Variants in ANKLE1 observed in about 807,000 individuals in gnomAD.
ANKLE1 encodes structure-specific endonuclease ANKLE1.
Under a neutral mutation model 56.2 loss-of-function variants are expected in ANKLE1, and 59 were observed. That is an observed-to-expected ratio of 1.05 (90% CI 0.85 to 1.30). ANKLE1 has a LOEUF of 1.30. ANKLE1 is among the 50% of genes most tolerant of loss of function. ANKLE1 has a pLI of 0.00. For missense variants in ANKLE1, 771 were observed against 816.1 expected (o/e 0.94, Z 0.67); for synonymous variants, 341 against 352.9 (o/e 0.97, Z 0.38).
intron 6 of ANKLE1, among the ~76,000 whole-genome samples, chr19:17,284,543 C>T (rs1435025350): frequency 6.6e-6 from 1 of 151,950 alleles, no homozygotes; most frequent in Non-Finnish European, 1.5e-5. Context: ...GCCACCACGC[C>T]CGACTAATTT....
rs11086065 is a variant in ANKLE1, at chr19:17,284,194, A to G, written c.1304A>G (p.Gln435Arg). 1,251,585 of 1,613,508 alleles carry G rather than the reference A, an allele frequency of 0.78. 494,487 individuals carry two copies. The highest frequency in any genetic ancestry group is 0.81 in the Non-Finnish European group (955,551 of 1,179,774). ...DEDALAQQFE[Q>R]PDPARRWREG... The stretch of plus-strand genomic sequence containing the variant: ...GACGCGCTGGCCCAGCAGTTTGAGC[A>G]GCCAGATCCTGCCAGGAGGTGGCGG... The change falls in exon 6 of 9, where the codon CAG becomes CGG. Residue 435 changes from glutamine (Q) to arginine (R), a missense_variant. By Grantham distance (43) the Gln-to-Arg change is conservative. Transcript: ENST00000404085.
chr19:17,285,070 T>A (rs12710308), intron 6 of ANKLE1, among the ~76,000 whole-genome samples: 116,424 of 151,684 alleles, frequency 0.77, 45,694 homozygotes, highest in Non-Finnish European at 0.81. Flanking sequence ...GACCAGCGTG[T>A]TCAACGTGGA....
Position 17,283,840 on chromosome 19 carries a change from C to G in ANKLE1, c.1076C>G (p.Ser359Cys). The change falls in exon 5 of 9, where the codon TCC becomes TGC. Residue 359 changes from serine to cysteine, a missense_variant. Physicochemically the swap from Ser to Cys is moderately radical, Grantham distance 112. Transcript: ENST00000404085. ...PVGPCRHLPVSTVSDLELLKG... is the reference protein window; with the variant it reads ...PVGPCRHLPVCTVSDLELLKG... ...GGCCCTTGCCGGCACCTGCCAGTCT[C>G]CACTGTGTCTGACTTGGAGTTGCTG... 1 of 1,613,764 alleles carries G rather than the reference C, an allele frequency of 6.2e-7. No homozygotes were observed. The highest frequency in any genetic ancestry group is 8.5e-7 in the Non-Finnish European group (1 of 1,179,900).
At position 17,282,690 on chromosome 19, in the gene ANKLE1, G is replaced by A. The variant is rs752834182; in HGVS notation, c.250G>A (p.Ala84Thr). The A allele has an allele frequency of 3.3e-5, 50 of 1,535,460 alleles. No individual in the cohort carries two copies. In the South Asian group the frequency reaches 5.1e-4, roughly 16 times the overall value. The change falls in exon 3 of 9, where the codon GCC becomes ACC. Residue 84 changes from alanine to threonine, a missense_variant. Transcript: ENST00000404085. ...GGCACTGACGCCGCTGCATGTGGCC[G>A]CCGCGTGGGGCTGCCGCCGCGGCCT... ...VEALTPLHVAAAWGCRRGLEL... is the reference protein window; with the variant it reads ...VEALTPLHVATAWGCRRGLEL...
chr19:17,283,989 C>A, intron 5 of ANKLE1, 27 bp downstream of exon 5: 1 of 1,592,986 alleles, frequency 6.3e-7, no homozygotes, highest in South Asian at 1.1e-5. Flanking sequence ...CACATGGAGT[C>A]CAGGGAGCCT....
chr19:17,286,039 G>C (rs1203939289), intron 8 of ANKLE1, among the ~76,000 whole-genome samples: 1 of 152,080 alleles, frequency 6.6e-6, no homozygotes, highest in Non-Finnish European at 1.5e-5. Context: ...GTGTGTGTGA[G>C]ACTCTGTCGC....
At position 17,285,776 on chromosome 19, in the gene ANKLE1, T is replaced by C; in HGVS notation, c.1632T>C (p.Ala544=). The change falls in exon 8 of 9, where the codon GCT becomes GCC. Residue 544 remains alanine (A), a synonymous_variant. Coordinates refer to ENST00000404085, the MANE Select transcript of ANKLE1 (RefSeq NM_152363.6). ...VSLHCFQHVV[A]VEAYTREACI... Reference sequence around the variant, plus strand: ...TACATTGCTTCCAGCACGTGGTCGCTGTGGAGGCTTATACACGGGAGGCGT... The same window carrying C: ...TACATTGCTTCCAGCACGTGGTCGCCGTGGAGGCTTATACACGGGAGGCGT... The C allele has an allele frequency of 6.2e-7, 1 of 1,613,860 alleles. No homozygotes were observed. The highest frequency in any genetic ancestry group is 8.5e-7 in the Non-Finnish European group (1 of 1,179,872).
chr19:17,286,647 G>GT lies in ANKLE1; in HGVS notation c.*95_*96insT, dbSNP rs2074034999. 1.4e-6 allele frequency: 2 copies of GT among 1,429,090 alleles called. No individual in the cohort carries two copies. Among genetic ancestry groups the GT allele is most frequent in the African/African-American group, 1.5e-5 (1 of 66,338 alleles). 88.5% of individuals were successfully genotyped at this position (1,429,090 alleles called of 1,614,324 possible). A position where few individuals can be genotyped will look rare whatever the true frequency, so the allele number is the denominator to read the frequency against. On this transcript the variant is annotated 3_prime_UTR_variant, in exon 9 of 9. Coordinates refer to ENST00000404085, the MANE Select transcript of ANKLE1 (RefSeq NM_152363.6). ...AGCCCCCATCTCTGGTTTCAGAAGG[G>GT]GTGTGTGTGTGTGTGTGTGTGTGTG...
Position 17,286,925 on chromosome 19 carries a change from AC to A in ANKLE1, c.*375del, listed in dbSNP as rs2074041368. The A allele has an allele frequency of 1.7e-6, 1 of 582,580 alleles. No individual in the cohort carries two copies. The highest frequency in any genetic ancestry group is 2.3e-6 in the Non-Finnish European group (1 of 440,256). 36.1% of individuals were successfully genotyped at this position (582,580 alleles called of 1,614,324 possible). A position where few individuals can be genotyped will look rare whatever the true frequency, so the allele number is the denominator to read the frequency against. On this transcript the variant is annotated 3_prime_UTR_variant, in exon 9 of 9. Transcript: ENST00000404085. ...AGGAGCTGGGTAAAATGAGGCTGAA[AC>A]CTACTGGGCTGCATTCCCAGATGGT...
At position 17,286,699 on chromosome 19, in the gene ANKLE1, T is replaced by TAGGGAGCACCCAGGCA; in HGVS notation, c.*147_*148insAGGGAGCACCCAGGCA. On this transcript the variant is annotated 3_prime_UTR_variant, in exon 9 of 9. Transcript: ENST00000404085. ...GTGTGTGTGTGTGTGTGTTTGTGTGTGTGTGTGTGTGTGTAGGGAGCACCC... is the reference window on the plus strand; with the variant it reads ...GTGTGTGTGTGTGTGTGTTTGTGTGTAGGGAGCACCCAGGCAGTGTGTGTGTGTGTAGGGAGCACCC... The TAGGGAGCACCCAGGCA allele has an allele frequency of 6.9e-7, 1 of 1,443,938 alleles. No individual in the cohort carries two copies. The highest frequency in any genetic ancestry group is 9.2e-7 in the Non-Finnish European group (1 of 1,091,032). 89.4% of individuals were successfully genotyped at this position (1,443,938 alleles called of 1,614,324 possible).
intron 5 of ANKLE1, 46 bp downstream of exon 5, chr19:17,284,008 C>A: frequency 6.3e-7 from 1 of 1,593,604 alleles, no homozygotes; most frequent in South Asian, 1.1e-5. Flanking sequence ...CTCCAGGAAT[C>A]TCCCGGAGAA....
At chr19:17,282,519 T>G (rs775687614) in intron 2 of ANKLE1, 137 bp from the exon 3 acceptor site, 73 of 981,148 alleles carry the variant, frequency 7.4e-5, no homozygotes, top group Non-Finnish European at 1.1e-4. Context: ...AGCATCTAGG[T>G]TCCAAGGGCA....
intron 4 of ANKLE1, 39 bp downstream of exon 4, chr19:17,283,041 G>A: frequency 6.5e-7 from 1 of 1,545,916 alleles, no homozygotes. Flanking sequence ...CTTGACTTCT[G>A]GACCAGTCCC....
At chr19:17,282,308 G>T (rs2073982248) in intron 2 of ANKLE1, 99 bp downstream of exon 2, 1 of 1,414,436 alleles carries the variant, frequency 7.1e-7, no homozygotes, top group African/African-American at 1.4e-5. Context: ...CTCGGGGCTC[G>T]AGGGTGGGGT....
At chr19:17,282,305 C>A in intron 2 of ANKLE1, 96 bp downstream of exon 2, 3 of 1,415,618 alleles carry the variant, frequency 2.1e-6, no homozygotes, top group Non-Finnish European at 2.8e-6. Flanking sequence ...GGCCTCGGGG[C>A]TCGAGGGTGG....
At position 17,285,300 on chromosome 19, in the gene ANKLE1, G is replaced by T; in HGVS notation, c.1377-131G>T. On this transcript the variant is annotated intron_variant, in intron 6 of 8. Transcript: ENST00000404085. Reference sequence around the variant, plus strand: ...GAAAGCTGCTGAATGTCTTTGGGGAGCCGCTGACTCTCTCTGATCCTGTAA... The same window carrying T: ...GAAAGCTGCTGAATGTCTTTGGGGATCCGCTGACTCTCTCTGATCCTGTAA... 5.6e-6 allele frequency: 6 copies of T among 1,068,712 alleles called. No homozygotes were observed. In the South Asian group the frequency reaches 9.2e-5, roughly 16 times the overall value. The allele number at this position is 1,068,712 out of a possible 1,614,324, so 66.2% of individuals were successfully genotyped here.
chr19:17,283,688 G>A lies in ANKLE1; in HGVS notation c.924G>A (p.Arg308=). Residue 308 remains arginine (R), a synonymous_variant, in exon 5 of 9, where the codon CGG becomes CGA. Transcript: ENST00000404085. ...LDRSPAHSPP[R]TPTPGASDCH... ...GGAGTCCAGCTCATAGCCCCCCACG[G>A]ACACCAACCCCTGGAGCTTCTGACT... 3 of 1,613,428 alleles carry A rather than the reference G, an allele frequency of 1.9e-6. No individual in the cohort carries two copies. The highest frequency in any genetic ancestry group is 2.5e-6 in the Non-Finnish European group (3 of 1,179,834).
At position 17,283,427 on chromosome 19, in the gene ANKLE1, C is replaced by A; in HGVS notation, c.663C>A (p.Phe221Leu). ...GGGATTACAGCTCAGACGCCTCTTT[C>A]GTCACAGCGGTTGAGGTCTCTGGAG... ...GHWDYSSDAS[F>L]VTAVEVSGAE... Residue 221 changes from phenylalanine (F) to leucine (L), a missense_variant, in exon 5 of 9, where the codon TTC becomes TTA. Transcript: ENST00000404085. 1 of 1,613,666 alleles carries A rather than the reference C, an allele frequency of 6.2e-7. No individual in the cohort carries two copies. Among genetic ancestry groups the A allele is most frequent in the Non-Finnish European group, 8.5e-7 (1 of 1,179,872 alleles).
In ANKLE1 at chr19:17,285,527, G is replaced by A. The variant is rs767430525; in HGVS notation, c.1473G>A (p.Thr491=). The change falls in exon 7 of 9, where the codon ACG becomes ACA. Residue 491 remains threonine, a synonymous_variant. Transcript: ENST00000404085. The part of the protein sequence containing the change: ...IRAIFYVGKG[T]RARPYVHLWE... The stretch of plus-strand genomic sequence containing the variant: ...CCATCTTCTACGTGGGCAAAGGGAC[G>A]AGGGCCCGGCCATATGTCCACCTCT... 1.2e-5 allele frequency: 19 copies of A among 1,613,814 alleles called. No individual in the cohort carries two copies. The Middle Eastern group carries it at 6.6e-4, about 56-fold the overall frequency.
Sources: allele counts gnomAD v4.1 joint callset (sites outside exome capture counted in the v4.1 genomes callset), GRCh38; gene constraint gnomAD v4.1.1; transcripts MANE v1.5; gene names NCBI Gene and HGNC (gene_info 2026-07-23, HGNC 2026-07-21).